HADHB: variants seen among roughly 807,000 people sequenced by gnomAD.
HADHB encodes trifunctional enzyme subunit beta, mitochondrial.
HADHB carries 50 observed loss-of-function variants against 61.9 expected under a neutral mutation model. The observed-to-expected ratio is 0.81, with a 90% CI of 0.64 to 1.02. HADHB has a LOEUF of 1.02. Ranked by LOEUF, HADHB falls within the 50% of genes least tolerant of loss-of-function variation. The pLI, the probability that HADHB is intolerant of heterozygous loss-of-function variation, is 0.00. For synonymous variants in HADHB, 191 were observed against 201.6 expected (o/e 0.95, Z 0.45); for missense variants, 504 against 586.5 (o/e 0.86, Z 1.45).
intron 3 of HADHB, chr2:26,260,674 T>G: frequency 3.7e-6 from 1 of 266,842 alleles, no homozygotes; most frequent in South Asian, 6.0e-5. Context: ...AAGCTAAGGG[T>G]TTTTTGGTGT....
intron 1 of HADHB, among the ~76,000 whole-genome samples, chr2:26,246,944 G>A (rs1276707432): frequency 6.6e-6 from 1 of 152,200 alleles, no homozygotes; most frequent in Non-Finnish European, 1.5e-5. Flanking sequence ...GTGCACGTGG[G>A]TGTGCGTGCG....
At position 26,289,987 on chromosome 2, in the gene HADHB, C is replaced by T. The variant is rs745308209; in HGVS notation, c.*34C>T. ...GAAGAAGTGACCTGAAGTTTCTGTG[C>T]AACACTCACACTAGGCAATGCCATT... On this transcript the variant is annotated 3_prime_UTR_variant, in exon 16 of 16. Coordinates refer to ENST00000317799, the MANE Select transcript of HADHB (RefSeq NM_000183.3). 2 of 1,437,098 alleles carry T rather than the reference C, an allele frequency of 1.4e-6. No individual in the cohort carries two copies. Among genetic ancestry groups the T allele is most frequent in the Non-Finnish European group, 9.8e-7 (1 of 1,018,800 alleles). The allele number at this position is 1,437,098 out of a possible 1,614,324, so 89.0% of individuals were successfully genotyped here.
intron 10 of HADHB, among the ~76,000 whole-genome samples, 193 bp downstream of exon 10, chr2:26,280,308 C>T (rs191929019): frequency 9.5e-4 from 144 of 151,704 alleles, no homozygotes; most frequent in Non-Finnish European, 1.9e-3. Context: ...TCACCTAATC[C>T]AGCCACCATT....
intron 15 of HADHB, among the ~76,000 whole-genome samples, chr2:26,287,389 C>T (rs906010274): frequency 1.3e-5 from 2 of 152,104 alleles, no homozygotes; most frequent in Non-Finnish European, 2.9e-5. Context: ...AAGACTAGAG[C>T]GATCCCTCTA....
chr2:26,272,375 C>T lies in HADHB; in HGVS notation c.255-1276C>T, dbSNP rs1447798128. Reference sequence around the variant, plus strand: ...TTTTTTTTTTTTTGACACAGAGTTTCGCTCTTGTTGCGCAAATTGGAGTGC... The same window carrying T: ...TTTTTTTTTTTTTGACACAGAGTTTTGCTCTTGTTGCGCAAATTGGAGTGC... On this transcript the variant is annotated intron_variant, in intron 5 of 15. Transcript: ENST00000317799. Among the ~76,000 whole-genome samples, 8 of 136,026 alleles carry T rather than the reference C, an allele frequency of 5.9e-5. No individual in the cohort carries two copies. In the South Asian group the frequency reaches 1.2e-3, roughly 20 times the overall value. The allele number at this position is 136,026 out of a possible 152,430, so 89.2% of individuals were successfully genotyped here.
At chr2:26,255,272 G>GGT (rs1671560132) in intron 3 of HADHB, among the ~76,000 whole-genome samples, 1 of 152,128 alleles carries the variant, frequency 6.6e-6, no homozygotes, top group African/African-American at 2.4e-5. Flanking sequence ...GGCTGAGGCA[G>GGT]GTGGATGGCC....
rs148978076 is a variant in HADHB, at chr2:26,269,813, TGATGGACTGCCTTG to T, written c.210-136_210-123del. On this transcript the variant is annotated intron_variant, in intron 4 of 15. Coordinates refer to ENST00000317799, the MANE Select transcript of HADHB (RefSeq NM_000183.3). ...AGTCACACTATTTCTTCATTTGAAA[TGATGGACTGCCTTG>T]GATAGTAAAGTTAAGTGTGTTTGTA... is the stretch of plus-strand genomic sequence containing the variant. 2.0e-3 allele frequency: 1,407 copies of T among 712,570 alleles called. 12 individuals carry two copies. The African/African-American group carries it at 0.021, about 11-fold the overall frequency. The allele number at this position is 712,570 out of a possible 1,614,324, so 44.1% of individuals were successfully genotyped here.
intron 8 of HADHB, 61 bp downstream of exon 8, chr2:26,278,862 G>A (rs1219193944): frequency 2.3e-6 from 3 of 1,326,324 alleles, no homozygotes; most frequent in Non-Finnish European, 3.3e-6. Flanking sequence ...ATGGCAGTGT[G>A]GACTCTGCTA....
At chr2:26,285,117 T>G (rs569720815) in intron 14 of HADHB, among the ~76,000 whole-genome samples, 160 bp downstream of exon 14, 78 of 152,308 alleles carry the variant, frequency 5.1e-4, no homozygotes, top group African/African-American at 1.8e-3. Flanking sequence ...AAGTAGAAAT[T>G]CTTGTATTTC....
rs908302983 is a variant in HADHB at position 26,265,278 on chromosome 2, T to C, written c.209+1799T>C. On this transcript the variant is annotated intron_variant, in intron 4 of 15. Coordinates refer to ENST00000317799, the MANE Select transcript of HADHB (RefSeq NM_000183.3). ...GATCATTATATATTATGTAGGTGTT[T>C]GATACTGTTTTACTAGCTGTTAAAA... 2.6e-5 allele frequency among the ~76,000 whole-genome samples: 4 copies of C among 152,306 alleles called. No individual in the cohort carries two copies. In the South Asian group the frequency reaches 8.3e-4, roughly 32 times the overall value.
intron 3 of HADHB, chr2:26,254,742 G>A (rs549387520): frequency 5.1e-5 from 22 of 430,040 alleles, no homozygotes; most frequent in Admixed American, 4.8e-4. Context: ...CATAAACCTC[G>A]TTGGTCAGTT....
At chr2:26,272,090 G>C (rs957512775) in intron 5 of HADHB, among the ~76,000 whole-genome samples, 1 of 151,898 alleles carries the variant, frequency 6.6e-6, no homozygotes, top group East Asian at 1.9e-4. Flanking sequence ...AAAAACTACA[G>C]ATTTTACAGA....
At chr2:26,285,304 T>TA (rs1163992061) in intron 14 of HADHB, 103 bp from the exon 15 acceptor site, 2 of 951,338 alleles carry the variant, frequency 2.1e-6, no homozygotes, top group Non-Finnish European at 3.4e-6. Context: ...TGTCTGACGT[T>TA]ACGTATTTTC....
chr2:26,266,073 A>G (rs1672062786), intron 4 of HADHB, among the ~76,000 whole-genome samples: 2 of 151,240 alleles, frequency 1.3e-5, no homozygotes, highest in African/African-American at 4.9e-5. Context: ...CCTACCTCCC[A>G]GTCCTATCTC....
intron 12 of HADHB, among the ~76,000 whole-genome samples, chr2:26,283,699 C>G (rs1202225074): frequency 6.6e-6 from 1 of 152,060 alleles, no homozygotes; most frequent in African/African-American, 2.4e-5. Context: ...GGCTACACAC[C>G]CTGCTACACA....
At chr2:26,285,673 T>G in intron 15 of HADHB, 102 bp downstream of exon 15, 1 of 776,746 alleles carries the variant, frequency 1.3e-6, no homozygotes, top group Admixed American at 2.1e-5. Flanking sequence ...ATATTTTTGA[T>G]GACCTGGGGG....
chr2:26,253,768 G>C (rs969687525), intron 1 of HADHB, among the ~76,000 whole-genome samples: 1 of 151,670 alleles, frequency 6.6e-6, no homozygotes, highest in Non-Finnish European at 1.5e-5. Context: ...CAGGAGAATC[G>C]ACTGAACCTG....
intron 15 of HADHB, among the ~76,000 whole-genome samples, chr2:26,286,734 G>C (rs1673047944): frequency 6.6e-6 from 1 of 150,396 alleles, no homozygotes; most frequent in South Asian, 2.1e-4. Context: ...TCGAACTCCT[G>C]ACCTCAGGTG....
chr2:26,251,829 C>G (rs1449454008), intron 1 of HADHB, among the ~76,000 whole-genome samples: 1 of 152,174 alleles, frequency 6.6e-6, no homozygotes, highest in Non-Finnish European at 1.5e-5. Context: ...GAAGTTAAAC[C>G]TTAAAGCTTT....
Sources: allele counts gnomAD v4.1 joint callset (sites outside exome capture counted in the v4.1 genomes callset), GRCh38; gene constraint gnomAD v4.1.1; transcripts MANE v1.5; gene names NCBI Gene and HGNC (gene_info 2026-07-23, HGNC 2026-07-21).